Variants in INSYN2B observed in about 807,000 individuals in gnomAD.
INSYN2B encodes inhibitory synaptic factor family member 2B.
Under a neutral mutation model 41.2 loss-of-function variants are expected in INSYN2B, and 16 were observed. The observed-to-expected ratio is 0.39, with a 90% CI of 0.26 to 0.59. The LOEUF is 0.59. Ranked by LOEUF, INSYN2B falls within the 20% of genes least tolerant of loss-of-function variation. The pLI is 0.57. For missense variants in INSYN2B, 608 were observed against 646.4 expected, an observed-to-expected ratio of 0.94 and a Z score of 0.64; for synonymous variants, 245 against 244.4, an observed-to-expected ratio of 1.00 and a Z score of -0.02.
chr5:169,941,702 T>G (rs259910), intron 1 of INSYN2B, among the ~76,000 whole-genome samples: 8,795 of 152,178 alleles, frequency 0.058, 586 homozygotes, highest in African/African-American at 0.16. Context: ...CTGGAAAAGA[T>G]CACGCTGACT....
chr5:169,892,731 A>G (rs952988866), intron 1 of INSYN2B, among the ~76,000 whole-genome samples: 1 of 152,176 alleles, frequency 6.6e-6, no homozygotes, highest in Non-Finnish European at 1.5e-5. Context: ...TTTCAAAAAC[A>G]TAATAAAATG....
At chr5:169,962,553 C>CT (rs1245601763) in intron 1 of INSYN2B, among the ~76,000 whole-genome samples, 1 of 152,162 alleles carries the variant, frequency 6.6e-6, no homozygotes, top group African/African-American at 2.4e-5. Context: ...GTAGTTGTGT[C>CT]TATCACTAGA....
chr5:169,926,305 C>T (rs1366358957), intron 1 of INSYN2B, among the ~76,000 whole-genome samples: 2 of 152,176 alleles, frequency 1.3e-5, no homozygotes, highest in African/African-American at 2.4e-5. Context: ...GAAATATTGT[C>T]GCTTTGCATA....
At chr5:169,946,092 G>T (rs1042106439) in intron 1 of INSYN2B, among the ~76,000 whole-genome samples, 2 of 152,184 alleles carry the variant, frequency 1.3e-5, no homozygotes, top group Non-Finnish European at 2.9e-5. Flanking sequence ...GGAAGCCCCA[G>T]TTCACTCTGG....
intron 1 of INSYN2B, among the ~76,000 whole-genome samples, chr5:169,890,617 G>A (rs186000338): frequency 1.3e-5 from 2 of 152,262 alleles, no homozygotes; most frequent in East Asian, 3.9e-4. Flanking sequence ...GTTGTAAGTG[G>A]TCAAAGAAAC....
intron 1 of INSYN2B, among the ~76,000 whole-genome samples, chr5:169,974,254 C>T (rs1777633959): frequency 6.6e-6 from 1 of 152,174 alleles, no homozygotes; most frequent in East Asian, 1.9e-4. Flanking sequence ...TAAGATAAAG[C>T]TTACATAGTG....
At chr5:169,943,780 TA>T (rs1219329832) in intron 1 of INSYN2B, among the ~76,000 whole-genome samples, 1 of 152,190 alleles carries the variant, frequency 6.6e-6, no homozygotes, top group African/African-American at 2.4e-5. Flanking sequence ...CAGTTGACGG[TA>T]GGGTCCAGGG....
chr5:169,873,205 C>T (rs918145753), intron 3 of INSYN2B, among the ~76,000 whole-genome samples: 1 of 152,172 alleles, frequency 6.6e-6, no homozygotes, highest in African/African-American at 2.4e-5. Flanking sequence ...TTCCTTTACA[C>T]TCTAGGGAGA....
At chr5:169,878,727 T>C (rs182476235) in intron 3 of INSYN2B, among the ~76,000 whole-genome samples, 2 of 152,284 alleles carry the variant, frequency 1.3e-5, no homozygotes, top group Admixed American at 6.5e-5. Context: ...ACTCAACCCT[T>C]TGGGTAACTT....
intron 1 of INSYN2B, among the ~76,000 whole-genome samples, chr5:169,970,312 G>C (rs1246899339): frequency 6.6e-6 from 1 of 152,170 alleles, no homozygotes; most frequent in Non-Finnish European, 1.5e-5. Context: ...CCCAAACCTG[G>C]ATACCTATTT....
intron 1 of INSYN2B, among the ~76,000 whole-genome samples, chr5:169,927,878 AG>A (rs1401652368): frequency 6.6e-6 from 1 of 152,188 alleles, no homozygotes; most frequent in African/African-American, 2.4e-5. Context: ...GGCCTCCCAA[AG>A]TGCTGGGATT....
chr5:169,916,348 G>A (rs1388131414), intron 1 of INSYN2B, among the ~76,000 whole-genome samples: 1 of 152,160 alleles, frequency 6.6e-6, no homozygotes, highest in Non-Finnish European at 1.5e-5. Context: ...TTTGACAGGT[G>A]GCCTTTCATC....
chr5:169,950,128 C>CT (rs1275770752), intron 1 of INSYN2B, among the ~76,000 whole-genome samples: 1 of 152,192 alleles, frequency 6.6e-6, no homozygotes, highest in Non-Finnish European at 1.5e-5. Flanking sequence ...TTCTCTCCCT[C>CT]TTTCTGTTCT....
intron 1 of INSYN2B, among the ~76,000 whole-genome samples, chr5:169,958,514 A>G (rs1315600426): frequency 6.6e-6 from 1 of 152,078 alleles, no homozygotes; most frequent in African/African-American, 2.4e-5. Flanking sequence ...AGCTGTTACC[A>G]TTAGCCCAGC....
intron 1 of INSYN2B, among the ~76,000 whole-genome samples, chr5:169,964,626 T>C (rs942095740): frequency 6.6e-6 from 1 of 152,234 alleles, no homozygotes; most frequent in Non-Finnish European, 1.5e-5. Flanking sequence ...TCAAAGTTGG[T>C]AAGCCAAAAG....
chr5:169,928,518 G>C (rs982314333), intron 1 of INSYN2B, among the ~76,000 whole-genome samples: 10 of 152,338 alleles, frequency 6.6e-5, no homozygotes, highest in Admixed American at 1.3e-4. Context: ...AGTTACGGGA[G>C]TAACCTTGCT....
At chr5:169,914,507 A>C (rs1242923954) in intron 1 of INSYN2B, among the ~76,000 whole-genome samples, 4 of 152,222 alleles carry the variant, frequency 2.6e-5, no homozygotes, top group Non-Finnish European at 5.9e-5. Context: ...CTGAACTTGG[A>C]TTCAAAAGAC....
At position 169,864,309 on chromosome 5, in the gene INSYN2B, G is replaced by A. The variant is rs201654163; in HGVS notation, c.1572C>T (p.Thr524=). 9,644 of 1,551,554 alleles carry A rather than the reference G, an allele frequency of 6.2e-3. 601 individuals are homozygous for A. The South Asian group carries it at 0.11, about 17-fold the overall frequency. ...APEKQDLRRK[T]KKVKKKCFWW... ...AGAAGCATTTCTTTTTCACCTTCTTGGTTTTCCGCCTTAAGTCCTGCTTTT... is the reference window on the plus strand; with the variant it reads ...AGAAGCATTTCTTTTTCACCTTCTTAGTTTTCCGCCTTAAGTCCTGCTTTT... Residue 524 remains threonine (T), a synonymous_variant, in exon 4 of 4, where the codon ACC becomes ACT. Coordinates refer to ENST00000377365, the MANE Select transcript of INSYN2B (RefSeq NM_001129891.3).
At chr5:169,867,911 T>A (rs1463792345) in intron 3 of INSYN2B, among the ~76,000 whole-genome samples, 18 of 152,062 alleles carry the variant, frequency 1.2e-4, no homozygotes, top group Admixed American at 1.2e-3. Context: ...ACATGGTGAG[T>A]TGCAAGCTCT....
Sources: allele counts gnomAD v4.1 joint callset (sites outside exome capture counted in the v4.1 genomes callset), GRCh38; gene constraint gnomAD v4.1.1; transcripts MANE v1.5; gene names NCBI Gene and HGNC (gene_info 2026-07-23, HGNC 2026-07-21).